The following CEP112 variants were observed in gnomAD, a reference collection of about 807,000 sequenced individuals.
CEP112 encodes the protein centrosomal protein 112.
CEP112 carries 127 observed loss-of-function variants against 153.0 expected under a neutral mutation model. That is an observed-to-expected ratio of 0.83 (90% CI 0.72 to 0.96). The LOEUF is 0.96. Among genes scored for constraint, CEP112 ranks in the 40% least tolerant of loss-of-function variants. The pLI is 0.00. For missense variants in CEP112, 1,089 were observed against 1,101.2 expected, an observed-to-expected ratio of 0.99 and a Z score of 0.16; for synonymous variants, 358 against 374.4, an observed-to-expected ratio of 0.96 and a Z score of 0.51.
chr17:66,002,665 T>G (rs896131030), intron 17 of CEP112, among the ~76,000 whole-genome samples: 7 of 152,220 alleles, frequency 4.6e-5, no homozygotes, highest in African/African-American at 1.4e-4. Context: ...GATTATTACC[T>G]TATTATGTTT....
rs1331082739 is a variant in CEP112, at chr17:66,179,074, A to G, written c.107-2054T>C. On this transcript the variant is annotated intron_variant, in intron 2 of 26. Transcript: ENST00000535342. Reference sequence around the variant, plus strand: ...ATGTGATTGTTTTTACGCCAGTACCATGATGGTTTGGTTACAATTGCTCTG... The same window carrying G: ...ATGTGATTGTTTTTACGCCAGTACCGTGATGGTTTGGTTACAATTGCTCTG... Among the ~76,000 whole-genome samples, 9 of 152,270 alleles carry G rather than the reference A, an allele frequency of 5.9e-5. No individual in the cohort carries two copies. In the East Asian group the frequency reaches 1.7e-3, roughly 29 times the overall value.
intron 21 of CEP112, among the ~76,000 whole-genome samples, chr17:65,778,295 TA>T (rs2053798717): frequency 6.6e-6 from 1 of 152,252 alleles, no homozygotes; most frequent in South Asian, 2.1e-4. Context: ...GAATGTTTTC[TA>T]ATATGGATTA....
chr17:65,704,014 T>A (rs1389392598), intron 23 of CEP112, among the ~76,000 whole-genome samples: 3 of 151,838 alleles, frequency 2.0e-5, no homozygotes. Flanking sequence ...GGAAATAGGA[T>A]CCTTGCAGAC....
chr17:66,059,507 C>CA (rs1290749394), intron 11 of CEP112, among the ~76,000 whole-genome samples: 10 of 151,946 alleles, frequency 6.6e-5, no homozygotes, highest in Admixed American at 2.0e-4. Context: ...AAACAATTCT[C>CA]AAAAAAAGAC....
chr17:66,028,494 C>T, intron 14 of CEP112, 89 bp from the exon 15 acceptor site: 2 of 563,722 alleles, frequency 3.5e-6, no homozygotes, highest in Admixed American at 6.4e-5. Context: ...CCTTTTGTAC[C>T]CCTGAAAGTC....
At chr17:66,097,279 C>T (rs907571485) in intron 6 of CEP112, among the ~76,000 whole-genome samples, 7 of 152,180 alleles carry the variant, frequency 4.6e-5, no homozygotes, top group African/African-American at 9.7e-5. Context: ...CCAACTTCTA[C>T]ACATGGTTAA....
At chr17:66,053,482 G>A (rs893120935) in intron 12 of CEP112, among the ~76,000 whole-genome samples, 20 of 144,678 alleles carry the variant, frequency 1.4e-4, no homozygotes, top group East Asian at 6.2e-4. Flanking sequence ...GTGAGACTCC[G>A]TCTCAAAAAA....
At chr17:66,174,477 T>C (rs1345254879) in intron 4 of CEP112, among the ~76,000 whole-genome samples, 1 of 152,204 alleles carries the variant, frequency 6.6e-6, no homozygotes, top group Non-Finnish European at 1.5e-5. Flanking sequence ...TCCTATATTT[T>C]ACTAAAACAT....
chr17:65,844,654 G>A (rs1385278943), intron 21 of CEP112, among the ~76,000 whole-genome samples: 1 of 89,618 alleles, frequency 1.1e-5, no homozygotes, highest in Non-Finnish European at 2.4e-5. Context: ...TCCATCCTGG[G>A]CTACAAAGGA....
At chr17:65,709,401 C>T (rs756107275) in intron 23 of CEP112, among the ~76,000 whole-genome samples, 33 of 152,084 alleles carry the variant, frequency 2.2e-4, no homozygotes, top group Non-Finnish European at 4.0e-4. Flanking sequence ...CTCACAATCA[C>T]GGCGGAAGAG....
At chr17:65,825,744 G>A (rs1274335838) in intron 21 of CEP112, among the ~76,000 whole-genome samples, 3 of 152,140 alleles carry the variant, frequency 2.0e-5, no homozygotes, top group South Asian at 2.1e-4. Context: ...GAAAGGTACA[G>A]AGGGGAAATG....
At chr17:65,956,662 T>C (rs917417256) in intron 18 of CEP112, among the ~76,000 whole-genome samples, 2 of 151,970 alleles carry the variant, frequency 1.3e-5, no homozygotes, top group Admixed American at 1.3e-4. Context: ...TAAAAGACTA[T>C]ACATTGAATA....
chr17:66,028,825 T>A (rs1007829381), intron 14 of CEP112, among the ~76,000 whole-genome samples: 8 of 151,836 alleles, frequency 5.3e-5, no homozygotes, highest in South Asian at 2.1e-4. Context: ...ATGAAATGTA[T>A]TATTCATACA....
chr17:65,788,782 A>G (rs946112568), intron 21 of CEP112, among the ~76,000 whole-genome samples: 2 of 152,034 alleles, frequency 1.3e-5, no homozygotes, highest in Non-Finnish European at 2.9e-5. Flanking sequence ...CCGGTCTTCT[A>G]AAAAGTTTAT....
At chr17:65,969,107 T>C (rs2062529549) in intron 17 of CEP112, among the ~76,000 whole-genome samples, 1 of 139,248 alleles carries the variant, frequency 7.2e-6, no homozygotes, top group South Asian at 2.2e-4. Flanking sequence ...TTTGAGACAA[T>C]GTCTTGATCT....
At chr17:65,709,501 G>A (rs1032740937) in intron 23 of CEP112, among the ~76,000 whole-genome samples, 1 of 152,148 alleles carries the variant, frequency 6.6e-6, no homozygotes, top group African/African-American at 2.4e-5. Flanking sequence ...GATCTCGTGA[G>A]ACTTATTCAC....
intron 21 of CEP112, among the ~76,000 whole-genome samples, chr17:65,783,933 G>A (rs1473626427): frequency 1.3e-5 from 2 of 152,202 alleles, no homozygotes; most frequent in Non-Finnish European, 2.9e-5. Flanking sequence ...AACCAACCTG[G>A]GTGGTGTGAC....
chr17:66,053,232 G>T (rs566502269), intron 12 of CEP112, among the ~76,000 whole-genome samples: 99 of 151,454 alleles, frequency 6.5e-4, no homozygotes, highest in Middle Eastern at 6.9e-3. Flanking sequence ...CTAGGTACAG[G>T]GGCTCACACC....
chr17:66,157,564 G>A (rs746253219), intron 4 of CEP112, among the ~76,000 whole-genome samples: 9 of 152,006 alleles, frequency 5.9e-5, no homozygotes, highest in Admixed American at 6.6e-5. Flanking sequence ...AAATGCCCCA[G>A]TTAAAAGACA....
Sources: gnomAD v4.1 joint callset for allele counts (sites outside exome capture counted in the v4.1 genomes callset) on GRCh38, gnomAD v4.1.1 for gene constraint, MANE v1.5 for transcripts, NCBI Gene and HGNC (gene_info 2026-07-23, HGNC 2026-07-21) for gene names.